Variants in TMEM223 observed in about 807,000 individuals in gnomAD.
TMEM223 encodes the protein transmembrane protein 223.
In TMEM223, 14 loss-of-function variants were observed where a neutral mutation model predicts 14.1. The observed-to-expected ratio is 0.99, with a 90% CI of 0.66 to 1.55. TMEM223 has a LOEUF of 1.55. Ranked by LOEUF, TMEM223 falls within the 40% of genes most tolerant of loss-of-function variation. TMEM223 has a pLI of 0.00. For synonymous variants in TMEM223, 145 were observed against 120.5 expected, an observed-to-expected ratio of 1.20 and a Z score of -1.33; for missense variants, 346 against 269.9, an observed-to-expected ratio of 1.28 and a Z score of -1.97.
intron 1 of TMEM223, chr11:62,776,046 G>A: frequency 7.7e-7 from 1 of 1,302,428 alleles, no homozygotes; most frequent in Non-Finnish European, 1.0e-6. Flanking sequence ...ATACAACAGA[G>A]ACAGTCCATG....
rs1310951582 is a variant in TMEM223, at chr11:62,790,852, C to T, written c.380G>A (p.Arg127Gln). The T allele has an allele frequency of 2.5e-6, 4 of 1,604,784 alleles. No homozygotes were observed. Among genetic ancestry groups the T allele is most frequent in the East Asian group, 2.2e-5 (1 of 44,484 alleles). The change falls in exon 2 of 2, where the codon CGA (arginine) becomes CAA (glutamine). Residue 127 changes from arginine to glutamine, a missense_variant. Physicochemically the swap from Arg to Gln is conservative, Grantham distance 43 (BLOSUM62 1). Coordinates refer to ENST00000307366, the MANE Select transcript of TMEM223 (RefSeq NM_001080501.3). ...SLRSVRSVVL[R>Q]AGGQQVTLTT... Reference sequence around the variant, plus strand: ...GAGGGTCACCTGCTGCCCTCCAGCTCGAAGCACCACTGAGCGCACAGACCG... The same window carrying T: ...GAGGGTCACCTGCTGCCCTCCAGCTTGAAGCACCACTGAGCGCACAGACCG...
downstream of TMEM223, chr11:62,789,220 T>TA: frequency 6.2e-7 from 1 of 1,614,018 alleles, no homozygotes; most frequent in East Asian, 2.2e-5. Flanking sequence ...GGTGACTGCC[T>TA]AACCCTGAGG....
chr11:62,779,976 A>ATATAT lies in TMEM223; in HGVS notation c.315-5312_315-5311insATATA, dbSNP rs1294367864. On this transcript the variant is annotated intron_variant, in intron 1 of 2. Coordinates refer to the TMEM223 transcript ENST00000528367. ...CCTATATATATATATATATATATAT[A>ATATAT]TTTTTTTTTTTTTTTTTTTTAGAGA... Among the ~76,000 whole-genome samples the ATATAT allele has an allele frequency of 5.5e-3, 291 of 52,626 alleles. 3 individuals are homozygous for ATATAT. Among genetic ancestry groups the ATATAT allele is most frequent in the Non-Finnish European group, 9.3e-3 (256 of 27,564 alleles). 34.5% of individuals were successfully genotyped at this position (52,626 alleles called of 152,430 possible).
intron 1 of TMEM223, among the ~76,000 whole-genome samples, chr11:62,780,521 G>A (rs768775603): frequency 1.3e-5 from 2 of 151,608 alleles, no homozygotes; most frequent in African/African-American, 4.8e-5. Context: ...CAAAAAAAAA[G>A]ATCACGCTGC....
chr11:62,772,058 C>T (rs1272245499), exon 3 of TMEM223: 12 of 455,810 alleles, frequency 2.6e-5, no homozygotes, highest in Non-Finnish European at 4.8e-5. Context: ...CTCCCCCTCC[C>T]TACTTACTCA....
chr11:62,790,717 T>C lies in TMEM223; in HGVS notation c.515A>G (p.Lys172Arg), dbSNP rs1187075983. 2 of 1,611,726 alleles carry C rather than the reference T, an allele frequency of 1.2e-6. No homozygotes were observed. The highest frequency in any genetic ancestry group is 1.3e-5 in the African/African-American group (1 of 75,006). ...CAAGAGGAAATAGAAGCGTCGGCCTTTGACTTTCAGAGGTAGCATGGCAGG... is the reference window on the plus strand; with the variant it reads ...CAAGAGGAAATAGAAGCGTCGGCCTCTGACTTTCAGAGGTAGCATGGCAGG... The part of the protein sequence containing the change: ...EVPAMLPLKV[K>R]GRRFYFLLDK... Residue 172 changes from lysine (K) to arginine (R), a missense_variant, in exon 2 of 2, where the codon AAA becomes AGA. By Grantham distance (26) the Lys-to-Arg change is conservative. Coordinates refer to ENST00000307366, the MANE Select transcript of TMEM223 (RefSeq NM_001080501.3).
chr11:62,778,757 A>G (rs2134707910), intron 1 of TMEM223: 1 of 922,732 alleles, frequency 1.1e-6, no homozygotes, highest in South Asian at 1.4e-5. Context: ...GTCCTGTCAG[A>G]AAGGCTTCTT....
chr11:62,787,260 G>A (rs2084292355), downstream of TMEM223: 5 of 1,565,946 alleles, frequency 3.2e-6, no homozygotes, highest in Middle Eastern at 1.7e-4. Flanking sequence ...CCCGCCGGTG[G>A]GCGCTCTCGG....
downstream of TMEM223, chr11:62,789,131 G>GCCTCTGGCCTCTTGGC: frequency 6.2e-7 from 1 of 1,614,158 alleles, no homozygotes; most frequent in Non-Finnish European, 8.5e-7. Context: ...TGTAGCTGGG[G>GCCTCTGGCCTCTTGGC]CCTCTGGCCT....
downstream of TMEM223, chr11:62,787,425 G>A (rs377436447): frequency 5.1e-6 from 8 of 1,560,492 alleles, no homozygotes; most frequent in South Asian, 1.1e-5. Flanking sequence ...CTGGTGGTCA[G>A]GGCGCCATGG....
chr11:62,775,802 C>T (rs374644595), intron 1 of TMEM223: 45 of 1,610,042 alleles, frequency 2.8e-5, no homozygotes, highest in Non-Finnish European at 3.4e-5. Context: ...GCGAGAAGAG[C>T]GGCGGTTTGT....
chr11:62,774,033 G>A (rs570565176), intron 2 of TMEM223, among the ~76,000 whole-genome samples: 1 of 152,192 alleles, frequency 6.6e-6, no homozygotes, highest in African/African-American at 2.4e-5. Context: ...GCAGAAGTAG[G>A]CAGTACATGC....
downstream of TMEM223, chr11:62,786,697 G>A (rs1284341358): frequency 6.2e-7 from 1 of 1,612,144 alleles, no homozygotes; most frequent in East Asian, 2.2e-5. Context: ...GCTGCCGCCA[G>A]GGGGCGCGGG....
downstream of TMEM223, among the ~76,000 whole-genome samples, chr11:62,784,082 G>A (rs1212020297): frequency 5.0e-5 from 7 of 140,054 alleles, no homozygotes; most frequent in African/African-American, 1.1e-4. Flanking sequence ...TCCACCTCCC[G>A]GGTTCAAGTG....
chr11:62,788,909 C>A (rs1476425512), downstream of TMEM223: 20 of 1,214,718 alleles, frequency 1.6e-5, no homozygotes, highest in Non-Finnish European at 2.3e-5. Flanking sequence ...TGACGGTGCA[C>A]AAATAACTTC....
In TMEM223 at chr11:62,791,754, C is replaced by G; in HGVS notation, c.241G>C (p.Val81Leu). Residue 81 changes from valine (V) to leucine (L), a missense_variant, in exon 1 of 2, where the codon GTC becomes CTC. By Grantham distance (32) the Val-to-Leu change is conservative. Coordinates refer to ENST00000307366, the MANE Select transcript of TMEM223 (RefSeq NM_001080501.3). ...PVPVQPLDAE[V>L]PNRGPFDLRS... ...AGGTCGAAGGGGCCACGATTTGGGA[C>G]CTCCGCATCCAGAGGCTGCACCGGA... The G allele has an allele frequency of 6.4e-7, 1 of 1,564,082 alleles. No individual in the cohort carries two copies. The highest frequency in any genetic ancestry group is 8.7e-7 in the Non-Finnish European group (1 of 1,154,858).
chr11:62,789,299 A>G (rs1554999375), downstream of TMEM223: 18 of 1,613,902 alleles, frequency 1.1e-5, no homozygotes, highest in South Asian at 2.2e-5. Context: ...CAGAGGTGCT[A>G]TAGGGCTGCG....
chr11:62,783,372 C>T (rs959153171), downstream of TMEM223, among the ~76,000 whole-genome samples: 1 of 151,834 alleles, frequency 6.6e-6, no homozygotes, highest in African/African-American at 2.4e-5. Context: ...GTCCCAGCTA[C>T]TCGGGAGGCT....
intron 1 of TMEM223, among the ~76,000 whole-genome samples, chr11:62,774,951 G>A (rs916484132): frequency 2.7e-5 from 4 of 150,460 alleles, no homozygotes; most frequent in African/African-American, 9.8e-5. Flanking sequence ...TGTAATCCCA[G>A]CTACTCAGGA....
Sources: allele counts gnomAD v4.1 joint callset (sites outside exome capture counted in the v4.1 genomes callset), GRCh38; gene constraint gnomAD v4.1.1; transcripts MANE v1.5; gene names NCBI Gene and HGNC (gene_info 2026-07-23, HGNC 2026-07-21).